Variants in SMCHD1 observed in about 807,000 individuals in gnomAD.
SMCHD1 encodes structural maintenance of chromosomes flexible hinge domain-containing protein 1.
A neutral mutation model predicts 254.7 loss-of-function variants in SMCHD1; 78 were observed. The observed-to-expected ratio is 0.31, with a 90% CI of 0.26 to 0.37. The LOEUF is 0.37. SMCHD1 is among the 10% of genes least tolerant of loss of function. The pLI is 1.00. For synonymous variants in SMCHD1, 766 were observed against 794.9 expected, an observed-to-expected ratio of 0.96 and a Z score of 0.61; for missense variants, 1,840 against 2,408.1, an observed-to-expected ratio of 0.76 and a Z score of 4.94.
chr18:2,775,632 G>A (rs942520398), intron 41 of SMCHD1, 102 bp from the exon 42 acceptor site: 3 of 843,656 alleles, frequency 3.6e-6, no homozygotes, highest in Non-Finnish European at 5.2e-6. Context: ...TAATTCATGT[G>A]TTTCAGAGAA....
rs201423759 is a variant in SMCHD1 at position 2,713,329 on chromosome 18, G to A, written c.2261-4829G>A. ...CTTGGGTCTTTTTAGAGAACTTCTC[G>A]TGGTGATTTGCTGTCTGATTTATAA... On this transcript the variant is annotated intron_variant, in intron 17 of 47. Transcript: ENST00000320876. Among the ~76,000 whole-genome samples, 8 of 152,144 alleles carry A rather than the reference G, an allele frequency of 5.3e-5. No homozygotes were observed. In the East Asian group the frequency reaches 5.8e-4, roughly 11 times the overall value.
At chr18:2,710,465 G>T (rs908831632) in intron 17 of SMCHD1, among the ~76,000 whole-genome samples, 1 of 152,176 alleles carries the variant, frequency 6.6e-6, no homozygotes, top group African/African-American at 2.4e-5. Context: ...TGAATATGCA[G>T]ATCACTTTGA....
At position 2,803,920 on chromosome 18, in the gene SMCHD1, A is replaced by G. The variant is rs1371911732; in HGVS notation, c.*1368A>G. 6.6e-6 allele frequency: 1 copy of G among 152,164 alleles called. No individual in the cohort carries two copies. The highest frequency in any genetic ancestry group is 1.5e-5 in the Non-Finnish European group (1 of 68,018). 9.4% of individuals were successfully genotyped at this position (152,164 alleles called of 1,614,324 possible). ...TTATATTTACCAATTTAGCATCCCT[A>G]ATCCAAAAATCTTTCATTAGAAATT... On this transcript the variant is annotated 3_prime_UTR_variant, in exon 48 of 48. Transcript: ENST00000320876.
At chr18:2,726,566 C>A (rs1402015636) in intron 22 of SMCHD1, 42 bp downstream of exon 22, 3 of 1,016,394 alleles carry the variant, frequency 3.0e-6, no homozygotes, top group African/African-American at 3.4e-5. Flanking sequence ...AAATAATTTT[C>A]TTATGTTAAA....
At chr18:2,776,357 G>T (rs544757688) in intron 42 of SMCHD1, among the ~76,000 whole-genome samples, 3 of 152,058 alleles carry the variant, frequency 2.0e-5, no homozygotes, top group South Asian at 4.2e-4. Context: ...AAGTAGCTGG[G>T]ACTACAGGTG....
At chr18:2,698,499 C>T (rs2074331853) in intron 10 of SMCHD1, among the ~76,000 whole-genome samples, 1 of 151,818 alleles carries the variant, frequency 6.6e-6, no homozygotes, top group Non-Finnish European at 1.5e-5. Flanking sequence ...CTGTGTTTTT[C>T]TTTTTTGTAT....
At chr18:2,745,788 A>G (rs921663589) in intron 29 of SMCHD1, among the ~76,000 whole-genome samples, 5 of 152,234 alleles carry the variant, frequency 3.3e-5, no homozygotes, top group African/African-American at 7.2e-5. Context: ...GATCCGTAAT[A>G]ATCCAGAAAT....
At chr18:2,722,898 G>T (rs2143408487) in intron 20 of SMCHD1, among the ~76,000 whole-genome samples, 1 of 152,134 alleles carries the variant, frequency 6.6e-6, no homozygotes, top group South Asian at 2.1e-4. Context: ...AGTTGTTAAG[G>T]TGTTTATGTC....
intron 7 of SMCHD1, among the ~76,000 whole-genome samples, chr18:2,694,105 G>A (rs1598326278): frequency 6.6e-6 from 1 of 152,174 alleles, no homozygotes; most frequent in East Asian, 1.9e-4. Flanking sequence ...GCTGGGTCCA[G>A]CCTGCCCTGT....
intron 25 of SMCHD1, among the ~76,000 whole-genome samples, chr18:2,734,716 TA>T (rs1167513824): frequency 6.6e-6 from 1 of 150,928 alleles, no homozygotes; most frequent in Non-Finnish European, 1.5e-5. Context: ...AAAAGGTAAC[TA>T]AAAACATTAG....
chr18:2,767,807 T>C (rs1169921551), intron 37 of SMCHD1, among the ~76,000 whole-genome samples: 1 of 151,780 alleles, frequency 6.6e-6, no homozygotes, highest in Non-Finnish European at 1.5e-5. Flanking sequence ...GCCAGGTTTG[T>C]CTCGAACTCT....
chr18:2,735,679 C>CA lies in SMCHD1; in HGVS notation c.3277-2712dup, dbSNP rs1213424605. Among the ~76,000 whole-genome samples, 102 of 151,952 alleles carry CA rather than the reference C, an allele frequency of 6.7e-4. 2 individuals carry two copies. Among genetic ancestry groups the CA allele is most frequent in the Non-Finnish European group, 2.5e-4 (17 of 67,970 alleles). On this transcript the variant is annotated intron_variant, in intron 25 of 47. Coordinates refer to ENST00000320876, the MANE Select transcript of SMCHD1 (RefSeq NM_015295.3). The stretch of plus-strand genomic sequence containing the variant: ...AACACAGTCCCATTTACGGTAGCCA[C>CA]AAAAAACACAAAATGCCTAGGAATA...
rs1414820517 is a variant in SMCHD1, at chr18:2,762,198, A to T, written c.4528A>T (p.Ser1510Cys). The T allele has an allele frequency of 1.2e-6, 2 of 1,611,192 alleles. No individual in the cohort carries two copies. The highest frequency in any genetic ancestry group is 1.3e-5 in the African/African-American group (1 of 74,208). The change falls in exon 36 of 48, where the codon AGT becomes TGT. Residue 1510 changes from serine to cysteine, a missense_variant. Ser to Cys is a moderately radical substitution (Grantham distance 112, BLOSUM62 -1). Coordinates refer to ENST00000320876, the MANE Select transcript of SMCHD1 (RefSeq NM_015295.3). ...TGTTTCAAATGTTCGCTCAGTTGCC[A>T]GTAGGACCTTGGTCAGAGATCTACA... ...PAVSNVRSVASRTLVRDLHLS... is the reference protein window; with the variant it reads ...PAVSNVRSVACRTLVRDLHLS...
intron 45 of SMCHD1, among the ~76,000 whole-genome samples, chr18:2,785,855 T>C (rs1342331875): frequency 6.6e-6 from 1 of 152,116 alleles, no homozygotes; most frequent in Non-Finnish European, 1.5e-5. Context: ...CATACAGAGT[T>C]TGTCCTTTTG....
chr18:2,774,129 T>C (rs1232825898), intron 41 of SMCHD1, among the ~76,000 whole-genome samples: 1 of 152,204 alleles, frequency 6.6e-6, no homozygotes, highest in Non-Finnish European at 1.5e-5. Flanking sequence ...TTTTAAGATT[T>C]TTTTTTCAGT....
At chr18:2,681,705 A>G (rs1051135389) in intron 5 of SMCHD1, among the ~76,000 whole-genome samples, 1 of 152,050 alleles carries the variant, frequency 6.6e-6, no homozygotes, top group African/African-American at 2.4e-5. Flanking sequence ...GGACATAATT[A>G]TAATAGTATG....
At position 2,772,383 on chromosome 18, in the gene SMCHD1, A is replaced by G; in HGVS notation, c.5175+11A>G. 2 of 1,544,006 alleles carry G rather than the reference A, an allele frequency of 1.3e-6. No individual in the cohort carries two copies. The highest frequency in any genetic ancestry group is 2.2e-5 in the Admixed American group (1 of 45,222). On this transcript the variant is annotated intron_variant, in intron 41 of 47. Transcript: ENST00000320876. ...GATGTTTTGGGAAAGGTTTGTGTTT[A>G]TTAAGCCTTTTGAAAGGCAGTACAT... is the stretch of plus-strand genomic sequence containing the variant.
intron 17 of SMCHD1, among the ~76,000 whole-genome samples, chr18:2,712,551 C>T (rs2074704586): frequency 6.6e-6 from 1 of 152,186 alleles, no homozygotes; most frequent in South Asian, 2.1e-4. Context: ...TTTTCATATA[C>T]ACAGGTTCTG....
intron 17 of SMCHD1, among the ~76,000 whole-genome samples, chr18:2,716,922 C>T (rs12605404): frequency 0.086 from 13,129 of 152,274 alleles, 934 homozygotes; most frequent in East Asian, 0.42. Context: ...ATACCCCTCC[C>T]AGTCTGGCTC....
Sources: gnomAD v4.1 joint callset for allele counts (sites outside exome capture counted in the v4.1 genomes callset) on GRCh38, gnomAD v4.1.1 for gene constraint, MANE v1.5 for transcripts, NCBI Gene and HGNC (gene_info 2026-07-23, HGNC 2026-07-21) for gene names.